TENM2: variants seen among roughly 807,000 people sequenced by gnomAD.
The protein encoded by TENM2 is teneurin transmembrane protein 2, also known as teneurin-2.
A neutral mutation model predicts 245.2 loss-of-function variants in TENM2; 52 were observed. That is an observed-to-expected ratio of 0.21 (90% CI 0.17 to 0.27). The LOEUF (loss-of-function observed/expected upper bound fraction) is 0.27. Ranked by LOEUF, TENM2 falls within the 10% of genes least tolerant of loss-of-function variation. The pLI is 1.00. For missense variants in TENM2, 3,046 were observed against 3,666.8 expected (o/e 0.83, Z 4.37); for synonymous variants, 1,363 against 1,438.9 (o/e 0.95, Z 1.19).
chr5:167,381,261 T>G (rs931923586), intron 2 of TENM2, among the ~76,000 whole-genome samples: 1 of 152,136 alleles, frequency 6.6e-6, no homozygotes, highest in Admixed American at 6.5e-5. Flanking sequence ...AAAATGTTAC[T>G]TGTGATTTAA....
the TENM2 span, among the ~76,000 whole-genome samples, chr5:166,982,104 A>C: frequency 6.6e-6 from 1 of 152,172 alleles, no homozygotes; most frequent in Non-Finnish European, 1.5e-5. Context: ...TAACTTAGAT[A>C]GTTTCATTTC....
chr5:167,007,979 A>C, the TENM2 span, among the ~76,000 whole-genome samples: 1 of 152,082 alleles, frequency 6.6e-6, no homozygotes, highest in African/African-American at 2.4e-5. The surrounding 1 kb of genome is among the most constrained non-coding windows in gnomAD (Gnocchi z 4.2). Flanking sequence ...TCCCTGTGCA[A>C]CTAAGCCACA....
intron 2 of TENM2, among the ~76,000 whole-genome samples, chr5:167,377,450 C>A (rs992453311): frequency 1.1e-4 from 16 of 152,102 alleles, no homozygotes; most frequent in African/African-American, 3.9e-4. Flanking sequence ...AGCCAGAGTT[C>A]AAACTAGGTG....
chr5:168,036,417 A>C (rs1225602440), intron 5 of TENM2, among the ~76,000 whole-genome samples: 1 of 151,954 alleles, frequency 6.6e-6, no homozygotes, highest in African/African-American at 2.4e-5. Flanking sequence ...CAGGCGGATC[A>C]CCTGAGGTCA....
intron 2 of TENM2, among the ~76,000 whole-genome samples, chr5:167,707,932 T>C (rs997636755): frequency 1.3e-4 from 20 of 152,324 alleles, no homozygotes; most frequent in African/African-American, 4.6e-4. Context: ...ATATTAGGTA[T>C]GGTTTACCAA....
At chr5:167,944,918 G>A (rs770093718) in intron 3 of TENM2, among the ~76,000 whole-genome samples, 16 of 152,160 alleles carry the variant, frequency 1.1e-4, no homozygotes, top group Non-Finnish European at 1.8e-4. Flanking sequence ...AAACAAAGAC[G>A]GAGGAGTTTG....
intron 1 of TENM2, among the ~76,000 whole-genome samples, chr5:167,299,189 G>A (rs1755154853): frequency 6.6e-6 from 1 of 152,160 alleles, no homozygotes; most frequent in Non-Finnish European, 1.5e-5. Context: ...GGATATAAAG[G>A]TTTCACCGAA....
At chr5:167,983,962 C>T (rs1333443213) in intron 4 of TENM2, among the ~76,000 whole-genome samples, 1 of 152,202 alleles carries the variant, frequency 6.6e-6, no homozygotes, top group Non-Finnish European at 1.5e-5. Context: ...ACGGCTCCTG[C>T]CCTCAAGCCA....
At chr5:168,090,904 T>A in intron 8 of TENM2, 135 bp downstream of exon 10, 1 of 731,858 alleles carries the variant, frequency 1.4e-6, no homozygotes, top group South Asian at 1.8e-5. Context: ...GTTTAGGCCT[T>A]ATAGTGTCAC....
At chr5:167,249,293 G>A in the TENM2 span, among the ~76,000 whole-genome samples, 6 of 152,122 alleles carry the variant, frequency 3.9e-5, no homozygotes, top group Admixed American at 3.9e-4. Flanking sequence ...GAGCTTGGAA[G>A]AATTCAGAAA....
intron 2 of TENM2, among the ~76,000 whole-genome samples, chr5:167,515,627 A>G (rs1770288212): frequency 6.9e-6 from 1 of 144,640 alleles, no homozygotes; most frequent in Non-Finnish European, 1.5e-5. Flanking sequence ...ATACATATAT[A>G]TACATATATA....
intron 2 of TENM2, among the ~76,000 whole-genome samples, chr5:167,442,468 G>A (rs1261730922): frequency 6.6e-6 from 1 of 151,816 alleles, no homozygotes; most frequent in Non-Finnish European, 1.5e-5. Context: ...TCCCTTCTAA[G>A]TAGTAATATC....
intron 2 of TENM2, among the ~76,000 whole-genome samples, chr5:167,787,424 C>G (rs6894321): frequency 2.6e-5 from 4 of 152,202 alleles, no homozygotes; most frequent in Non-Finnish European, 5.9e-5. Context: ...GAATCCAGAG[C>G]TTCATGACCG....
At chr5:167,973,916 T>G (rs192327367) in intron 4 of TENM2, among the ~76,000 whole-genome samples, 1 of 146,400 alleles carries the variant, frequency 6.8e-6, no homozygotes, top group East Asian at 2.0e-4. Flanking sequence ...CATGAAGAGG[T>G]GGAAAGGGAG....
the TENM2 span, among the ~76,000 whole-genome samples, chr5:167,071,885 C>G: frequency 2.1e-5 from 3 of 144,284 alleles, no homozygotes; most frequent in East Asian, 6.3e-4. Context: ...ATCGCCCCCC[C>G]CCGCCCCCAA....
chr5:167,522,527 T>C (rs1460244945), intron 2 of TENM2, among the ~76,000 whole-genome samples: 2 of 152,126 alleles, frequency 1.3e-5, no homozygotes, highest in Non-Finnish European at 2.9e-5. Flanking sequence ...AAATGAGGGC[T>C]ATAGAGTATT....
chr5:167,849,582 A>G (rs1295747283), intron 2 of TENM2, among the ~76,000 whole-genome samples: 2 of 152,044 alleles, frequency 1.3e-5, no homozygotes, highest in African/African-American at 4.8e-5. Flanking sequence ...CCCACAGGTT[A>G]AGGGCCCAGT....
At chr5:167,782,263 A>T (rs1189143046) in intron 2 of TENM2, among the ~76,000 whole-genome samples, 2 of 145,856 alleles carry the variant, frequency 1.4e-5, no homozygotes, top group East Asian at 4.2e-4. Context: ...CGGTGAGCCA[A>T]GATCGTGCCA....
At chr5:168,083,252 A>G (rs1304436968) in intron 7 of TENM2, among the ~76,000 whole-genome samples, 1 of 152,210 alleles carries the variant, frequency 6.6e-6, no homozygotes, top group Non-Finnish European at 1.5e-5. Flanking sequence ...CCTCTGAGCC[A>G]TGTGCAGGAT....
Sources: gnomAD v4.1 joint callset for allele counts (sites outside exome capture counted in the v4.1 genomes callset) on GRCh38, gnomAD v4.1.1 for gene constraint, Gnocchi (gnomAD v3.1) non-coding constraint, MANE v1.5 for transcripts, NCBI Gene and HGNC (gene_info 2026-07-23, HGNC 2026-07-21) for gene names.